RHOU: variants seen among roughly 807,000 people sequenced by gnomAD.
RHOU encodes ras homolog family member U, also known as rho-related GTP-binding protein RhoU.
A neutral mutation model predicts 12.6 loss-of-function variants in RHOU; 8 were observed. The ratio of observed to expected loss-of-function variants is 0.64; its 90% CI spans 0.37 to 1.15. RHOU has a LOEUF of 1.15. Among genes scored for constraint, RHOU ranks in the 50% most tolerant of loss-of-function variants. The pLI, the probability that RHOU is intolerant of heterozygous loss-of-function variation, is 0.01. For synonymous variants in RHOU, 161 were observed against 147.4 expected, an observed-to-expected ratio of 1.09 and a Z score of -0.67; for missense variants, 258 against 347.0, an observed-to-expected ratio of 0.74 and a Z score of 2.04.
At chr1:228,700,530 G>T in the RHOU span, among the ~76,000 whole-genome samples, 2 of 151,946 alleles carry the variant, frequency 1.3e-5, no homozygotes, top group Admixed American at 6.6e-5. Context: ...GAGTTTATTT[G>T]CTTGTAAAGA....
intron 1 of RHOU, among the ~76,000 whole-genome samples, chr1:228,736,381 G>A (rs1467659567): frequency 6.6e-6 from 1 of 152,124 alleles, no homozygotes; most frequent in Admixed American, 6.5e-5. Flanking sequence ...GGGCGACGTC[G>A]CTGGCGCCGC....
At chr1:228,687,670 A>G in the RHOU span, 58 of 1,512,118 alleles carry the variant, frequency 3.8e-5, 1 homozygote, top group Middle Eastern at 6.3e-4. Context: ...CATTTGTGTG[A>G]CTTCATTGAG....
chr1:228,739,520 G>A (rs1290515072), intron 2 of RHOU, among the ~76,000 whole-genome samples: 3 of 152,296 alleles, frequency 2.0e-5, no homozygotes, highest in East Asian at 1.9e-4. Flanking sequence ...CTGAGATCGC[G>A]TCACTGCCCT....
At chr1:228,656,512 A>G in the RHOU span, among the ~76,000 whole-genome samples, 1 of 152,208 alleles carries the variant, frequency 6.6e-6, no homozygotes, top group East Asian at 1.9e-4. Context: ...GACCCATAAT[A>G]CATAAACATG....
chr1:228,669,753 A>T, the RHOU span, among the ~76,000 whole-genome samples: 1 of 152,230 alleles, frequency 6.6e-6, no homozygotes, highest in Admixed American at 6.5e-5. Flanking sequence ...TATGGAGAAG[A>T]GTATAATTTC....
the RHOU span, among the ~76,000 whole-genome samples, chr1:228,676,541 C>T: frequency 6.6e-6 from 1 of 152,118 alleles, no homozygotes. Flanking sequence ...CTTTTGGACT[C>T]TATCTCTCTC....
At chr1:228,703,274 C>T in the RHOU span, among the ~76,000 whole-genome samples, 1 of 152,100 alleles carries the variant, frequency 6.6e-6, no homozygotes, top group African/African-American at 2.4e-5. Context: ...CATCTGTAAT[C>T]CCAGCACTTT....
At chr1:228,648,032 C>G in the RHOU span, 2 of 152,412 alleles carry the variant, frequency 1.3e-5, no homozygotes, top group African/African-American at 4.8e-5. Context: ...TGGCCTTAGA[C>G]GCCGGTAGTG....
chr1:228,711,967 A>G, the RHOU span, among the ~76,000 whole-genome samples: 1 of 138,308 alleles, frequency 7.2e-6, no homozygotes, highest in Non-Finnish European at 1.6e-5. Flanking sequence ...TTACAAGAAA[A>G]AAACAAACAA....
At chr1:228,680,588 A>G in the RHOU span, among the ~76,000 whole-genome samples, 1 of 152,126 alleles carries the variant, frequency 6.6e-6, no homozygotes, top group East Asian at 1.9e-4. Context: ...GGCGAGGTTG[A>G]TTAATTCCTG....
the RHOU span, among the ~76,000 whole-genome samples, chr1:228,681,852 C>T: frequency 2.0e-5 from 3 of 151,994 alleles, no homozygotes; most frequent in Admixed American, 6.6e-5. Flanking sequence ...GGTAGAGACA[C>T]GGAGAAGCGG....
chr1:228,657,345 A>G, the RHOU span, among the ~76,000 whole-genome samples: 1 of 151,674 alleles, frequency 6.6e-6, no homozygotes, highest in East Asian at 1.9e-4. Context: ...AAGATATTCC[A>G]TGCAAATAGT....
chr1:228,654,312 G>T, the RHOU span, among the ~76,000 whole-genome samples: 2 of 151,820 alleles, frequency 1.3e-5, no homozygotes, highest in African/African-American at 4.8e-5. Context: ...TCTCTTTGTT[G>T]CCCAGGCTGG....
the RHOU span, among the ~76,000 whole-genome samples, chr1:228,721,335 C>G: frequency 1.3e-5 from 2 of 152,132 alleles, no homozygotes; most frequent in African/African-American, 4.8e-5. Context: ...GTCGCCTTGT[C>G]TTTTGAAACA....
At chr1:228,647,550 G>T in the RHOU span, among the ~76,000 whole-genome samples, 1 of 152,242 alleles carries the variant, frequency 6.6e-6, no homozygotes, top group African/African-American at 2.4e-5. Flanking sequence ...TGGCGTCTGT[G>T]GTACCCGCTG....
the RHOU span, among the ~76,000 whole-genome samples, chr1:228,659,112 C>T: frequency 3.3e-5 from 5 of 152,334 alleles, no homozygotes; most frequent in East Asian, 7.7e-4. Flanking sequence ...AGCGTCATGG[C>T]TCACGCCTGT....
At chr1:228,736,490 A>G (rs1169917016) in intron 1 of RHOU, among the ~76,000 whole-genome samples, 1 of 152,052 alleles carries the variant, frequency 6.6e-6, no homozygotes, top group African/African-American at 2.4e-5. Context: ...TCTCCGCTTT[A>G]AAGAGCCGCG....
the RHOU span, among the ~76,000 whole-genome samples, chr1:228,699,016 C>T: frequency 6.6e-6 from 1 of 151,696 alleles, no homozygotes; most frequent in African/African-American, 2.4e-5. Context: ...TTTTGTTTTC[C>T]AAAAGACCCA....
chr1:228,652,856 A>G, the RHOU span, among the ~76,000 whole-genome samples: 1 of 152,326 alleles, frequency 6.6e-6, no homozygotes, highest in Admixed American at 6.5e-5. Flanking sequence ...CGCTTATGCT[A>G]TCTAAAGTTT....
Sources: allele counts gnomAD v4.1 joint callset (sites outside exome capture counted in the v4.1 genomes callset), GRCh38; gene constraint gnomAD v4.1.1; transcripts MANE v1.5; gene names NCBI Gene and HGNC (gene_info 2026-07-23, HGNC 2026-07-21).